The following TRIM35 variants were observed in gnomAD, a reference collection of about 807,000 sequenced individuals.
The protein encoded by TRIM35 is E3 ubiquitin-protein ligase TRIM35.
A neutral mutation model predicts 49.1 loss-of-function variants in TRIM35; 37 were observed. That is an observed-to-expected ratio of 0.75 (90% confidence interval 0.58 to 0.99). TRIM35 has a LOEUF of 0.99. Ranked by LOEUF, TRIM35 falls within the 50% of genes least tolerant of loss-of-function variation. The pLI is 0.00. For synonymous variants in TRIM35, 302 were observed against 289.3 expected (o/e 1.04, Z -0.45); for missense variants, 648 against 702.7 (o/e 0.92, Z 0.88).
Position 27,310,802 on chromosome 8 carries a change from C to T in TRIM35, c.434G>A (p.Arg145Gln), listed in dbSNP as rs1222194276. 2 of 1,583,516 alleles carry T rather than the reference C, an allele frequency of 1.3e-6. No homozygotes were observed. Among genetic ancestry groups the T allele is most frequent in the Admixed American group, 1.7e-5 (1 of 57,542 alleles). Reference sequence around the variant, plus strand: ...CCTCGTGCAAATCGCTGCTCTTACCCGAAAGTCGTGGGCAGTGTCCTTCAC... The same window carrying T: ...CCTCGTGCAAATCGCTGCTCTTACCTGAAAGTCGTGGGCAGTGTCCTTCAC... ...QPVKDTAHDF[R>Q]AKCRNMEHAL... The change falls in exon 1 of 6, where the codon CGG (arginine) becomes CAG (glutamine). Residue 145 changes from arginine (R) to glutamine (Q), a missense_variant and splice_region_variant. Arg to Gln is a conservative substitution (Grantham distance 43). Transcript: ENST00000305364.
Position 27,287,968 on chromosome 8 carries a change from G to A in TRIM35, c.1064C>T (p.Ser355Leu), listed in dbSNP as rs755033934. 1.2e-5 allele frequency: 20 copies of A among 1,613,198 alleles called. No individual in the cohort carries two copies. The highest frequency in any genetic ancestry group is 6.7e-5 in the East Asian group (3 of 44,874). Reference sequence around the variant, plus strand: ...CCCAAGGGCCACCTCCCAGGCGTGCGAGCCCTGTGAGAAGACACGGGAGCC... The same window carrying A: ...CCCAAGGGCCACCTCCCAGGCGTGCAAGCCCTGTGAGAAGACACGGGAGCC... ...LLGSRVFSQGSHAWEVALGGL... is the reference protein window; with the variant it reads ...LLGSRVFSQGLHAWEVALGGL... Residue 355 changes from serine to leucine, a missense_variant, in exon 6 of 6, where the codon TCG becomes TTG. Ser to Leu is a moderately radical substitution (Grantham distance 145, BLOSUM62 -2). Transcript: ENST00000305364. This position sits in a 1 kb window ranked among gnomAD's most constrained non-coding sequence, Gnocchi z 6.0.
intron 1 of TRIM35, among the ~76,000 whole-genome samples, chr8:27,308,423 C>T (rs1433322274): frequency 6.6e-6 from 1 of 152,190 alleles, no homozygotes; most frequent in Non-Finnish European, 1.5e-5. Context: ...CATCCCATCA[C>T]AAACTCCCCT....
chr8:27,299,401 T>C (rs538179517), intron 1 of TRIM35, among the ~76,000 whole-genome samples: 1 of 152,324 alleles, frequency 6.6e-6, no homozygotes, highest in South Asian at 2.1e-4. Flanking sequence ...TATTCAGTAC[T>C]TACTCTGTGC....
Position 27,285,438 on chromosome 8 carries a change from CAAG to C in TRIM35, c.*2109_*2111del, listed in dbSNP as rs1802292479. The C allele has an allele frequency of 1.3e-5, 2 of 152,022 alleles. No homozygotes were observed. 9.4% of individuals were successfully genotyped at this position (152,022 alleles called of 1,614,324 possible). On this transcript the variant is annotated 3_prime_UTR_variant, in exon 6 of 6. Transcript: ENST00000305364. ...TCCTAGCAGCATTATGTATAATAGT[CAAG>C]AAGTAGAAACGATCCAAATGTCCAC...
intron 3 of TRIM35, among the ~76,000 whole-genome samples, chr8:27,292,705 T>C (rs1039178750): frequency 6.6e-6 from 1 of 152,202 alleles, no homozygotes; most frequent in Non-Finnish European, 1.5e-5. Flanking sequence ...GAGGAGGAAC[T>C]GGGGAGTGAC....
intron 1 of TRIM35, among the ~76,000 whole-genome samples, chr8:27,302,462 A>G (rs2130304342): frequency 6.6e-6 from 1 of 152,200 alleles, no homozygotes; most frequent in Admixed American, 6.5e-5. Context: ...GCTGCAGTGC[A>G]GTAGTAGCAC....
intron 2 of TRIM35, among the ~76,000 whole-genome samples, chr8:27,295,680 T>C (rs1440857377): frequency 6.6e-6 from 1 of 152,138 alleles, no homozygotes; most frequent in Non-Finnish European, 1.5e-5. Context: ...AAAAACAGAA[T>C]GGTTGTATGG....
At chr8:27,294,449 A>ATGTTG in intron 2 of TRIM35, 139 bp from the exon 3 acceptor site, 1 of 810,576 alleles carries the variant, frequency 1.2e-6, no homozygotes, top group Non-Finnish European at 1.9e-6. Flanking sequence ...ATATCAACAT[A>ATGTTG]ATAGTTTATA....
chr8:27,289,452 C>T (rs1180944860), intron 4 of TRIM35, among the ~76,000 whole-genome samples, 172 bp from the exon 5 acceptor site: 1 of 152,230 alleles, frequency 6.6e-6, no homozygotes, highest in Non-Finnish European at 1.5e-5. Context: ...TGGGCCAAGG[C>T]CAACAGGGCT....
At chr8:27,304,608 G>A (rs1047564521) in intron 1 of TRIM35, among the ~76,000 whole-genome samples, 4 of 152,182 alleles carry the variant, frequency 2.6e-5, no homozygotes, top group East Asian at 1.9e-4. Context: ...AGTGGTGCTC[G>A]GTACACTTCT....
In TRIM35 at chr8:27,310,857, G is replaced by T. The variant is rs1374179614; in HGVS notation, c.379C>A (p.Pro127Thr). 6.2e-7 allele frequency: 1 copy of T among 1,610,626 alleles called. No homozygotes were observed. The highest frequency in any genetic ancestry group is 8.5e-7 in the Non-Finnish European group (1 of 1,177,948). The change falls in exon 1 of 6, where the codon CCC becomes ACC. Residue 127 changes from proline (P) to threonine (T), a missense_variant. Transcript: ENST00000305364. ...ELLCCSCQAD[P>T]RHQGHRVQPV... ...TGCACGCGGTGCCCCTGGTGTCGGGGGTCGGCCTGGCAGGAGCAGCACAGC... is the reference window on the plus strand; with the variant it reads ...TGCACGCGGTGCCCCTGGTGTCGGGTGTCGGCCTGGCAGGAGCAGCACAGC...
rs1017765706 is a variant in TRIM35, at chr8:27,286,152, T to G, written c.*1398A>C. ...TAACACTGCTCCTAGGAAAAAAAAA[T>G]ATTTCCTTTTATGATGCCACTTCCT... On this transcript the variant is annotated 3_prime_UTR_variant, in exon 6 of 6. Coordinates refer to ENST00000305364, the MANE Select transcript of TRIM35 (RefSeq NM_171982.5). 1 of 456,038 alleles carries G rather than the reference T, an allele frequency of 2.2e-6. No homozygotes were observed. Among genetic ancestry groups the G allele is most frequent in the African/African-American group, 2.0e-5 (1 of 50,144 alleles). 28.2% of individuals were successfully genotyped at this position (456,038 alleles called of 1,614,324 possible).
At chr8:27,305,998 G>A (rs35917363) in intron 1 of TRIM35, among the ~76,000 whole-genome samples, 52,216 of 151,802 alleles carry the variant, frequency 0.34, 10,740 homozygotes, top group Non-Finnish European at 0.46. Context: ...CACCACACCC[G>A]GCTAATTTTT....
intron 3 of TRIM35, among the ~76,000 whole-genome samples, chr8:27,293,248 C>T (rs1269608915): frequency 6.6e-6 from 1 of 152,018 alleles, no homozygotes; most frequent in Non-Finnish European, 1.5e-5. Context: ...ACAAGAGACA[C>T]CTCACCACCC....
chr8:27,305,802 G>A (rs1231831530), intron 1 of TRIM35, among the ~76,000 whole-genome samples: 1 of 152,146 alleles, frequency 6.6e-6, no homozygotes, highest in Non-Finnish European at 1.5e-5. Flanking sequence ...TGCTGGACTG[G>A]GAGGCAGGAA....
chr8:27,299,043 G>A (rs1197616635), intron 1 of TRIM35, among the ~76,000 whole-genome samples: 1 of 152,144 alleles, frequency 6.6e-6, no homozygotes, highest in Non-Finnish European at 1.5e-5. Context: ...TTCCCACGGG[G>A]TTCAGTTACC....
chr8:27,286,185 G>C lies in TRIM35; in HGVS notation c.*1365C>G, dbSNP rs1484730195. On this transcript the variant is annotated 3_prime_UTR_variant, in exon 6 of 6. Coordinates refer to ENST00000305364, the MANE Select transcript of TRIM35 (RefSeq NM_171982.5). ...TTTATGATGCCACTTCCTGGGACAT[G>C]ATGAGCTGAAGATTAAAAACTCTTC... The C allele has an allele frequency of 2.2e-6, 1 of 456,112 alleles. No homozygotes were observed. Among genetic ancestry groups the C allele is most frequent in the Non-Finnish European group, 4.4e-6 (1 of 226,946 alleles). The allele number at this position is 456,112 out of a possible 1,614,324, so 28.3% of individuals were successfully genotyped here. A position where few individuals can be genotyped will look rare whatever the true frequency, so the allele number is the denominator to read the frequency against.
intron 3 of TRIM35, among the ~76,000 whole-genome samples, chr8:27,293,416 A>C (rs1802495548): frequency 6.6e-6 from 1 of 152,228 alleles, no homozygotes; most frequent in Admixed American, 6.5e-5. Flanking sequence ...TTTCTTAAGA[A>C]GACAGAAAGC....
In TRIM35 at chr8:27,304,016, C is replaced by T. The variant is rs367623081; in HGVS notation, c.436-5457G>A. Among the ~76,000 whole-genome samples the T allele has an allele frequency of 1.6e-3, 239 of 152,302 alleles. 8 individuals carry two copies. In the South Asian group the frequency reaches 0.049, roughly 31 times the overall value. ...GCCTACGTTAAAGATTAGTTATAAACACACACAAAATAGGTTTTTATTCAT... is the reference window on the plus strand; with the variant it reads ...GCCTACGTTAAAGATTAGTTATAAATACACACAAAATAGGTTTTTATTCAT... On this transcript the variant is annotated intron_variant, in intron 1 of 5. Coordinates refer to ENST00000305364, the MANE Select transcript of TRIM35 (RefSeq NM_171982.5).
Sources: gnomAD v4.1 joint callset for allele counts (sites outside exome capture counted in the v4.1 genomes callset) on GRCh38, gnomAD v4.1.1 for gene constraint, Gnocchi (gnomAD v3.1) non-coding constraint, MANE v1.5 for transcripts, NCBI Gene and HGNC (gene_info 2026-07-23, HGNC 2026-07-21) for gene names.